The following D2HGDH variants were observed in gnomAD, a reference collection of about 807,000 sequenced individuals.
D2HGDH encodes the protein D-2-hydroxyglutarate dehydrogenase, also known as D-2-hydroxyglutarate dehydrogenase, mitochondrial.
A neutral mutation model predicts 46.9 loss-of-function variants in D2HGDH; 31 were observed. The ratio of observed to expected loss-of-function variants is 0.66; its 90% CI spans 0.50 to 0.89. D2HGDH has a LOEUF of 0.89. Among genes scored for constraint, D2HGDH ranks in the 40% least tolerant of loss-of-function variants. The pLI is 0.00. For missense variants in D2HGDH, 698 were observed against 720.8 expected, an observed-to-expected ratio of 0.97 and a Z score of 0.36; for synonymous variants, 364 against 332.6, an observed-to-expected ratio of 1.09 and a Z score of -1.03.
rs138988493 is a variant in D2HGDH, at chr2:241,749,103, C to T, written c.854-1048C>T. The T allele has an allele frequency of 1.1e-3, 1,090 of 959,172 alleles. 14 individuals are homozygous for T. The African/African-American group carries it at 0.018, about 15-fold the overall frequency. The allele number at this position is 959,172 out of a possible 1,614,324, so 59.4% of individuals were successfully genotyped here. A position where few individuals can be genotyped will look rare whatever the true frequency, so the allele number is the denominator to read the frequency against. On this transcript the variant is annotated intron_variant, in intron 6 of 9. Coordinates refer to ENST00000321264, the MANE Select transcript of D2HGDH (RefSeq NM_152783.5). ...GGCTCCTGCTCTCCTGCAGCTGGGG[C>T]GACTTCCGACGAGGCACTCTTGTCC...
chr2:241,736,571 T>G (rs935764864), intron 2 of D2HGDH, among the ~76,000 whole-genome samples: 2 of 152,216 alleles, frequency 1.3e-5, no homozygotes, highest in Non-Finnish European at 2.9e-5. Flanking sequence ...TCCAGTTGTC[T>G]TATAAAGACA....
At chr2:241,753,756 G>T (rs999714669) in intron 8 of D2HGDH, among the ~76,000 whole-genome samples, 1 of 152,252 alleles carries the variant, frequency 6.6e-6, no homozygotes. Context: ...CACCCGTCAC[G>T]TGTCATTCAG....
At chr2:241,764,095 T>G (rs1699066889) in intron 9 of D2HGDH, among the ~76,000 whole-genome samples, 1 of 152,182 alleles carries the variant, frequency 6.6e-6, no homozygotes, top group South Asian at 2.1e-4. Flanking sequence ...TTTTTCTTCT[T>G]TCACAACCAG....
chr2:241,749,033 G>A (rs771117414), intron 6 of D2HGDH: 25 of 1,000,566 alleles, frequency 2.5e-5, no homozygotes, highest in African/African-American at 8.9e-5. Context: ...GGTGTCCCTC[G>A]TGCTCGTGGG....
At chr2:241,756,934 A>T (rs963632886) in intron 9 of D2HGDH, among the ~76,000 whole-genome samples, 1 of 152,092 alleles carries the variant, frequency 6.6e-6, no homozygotes, top group African/African-American at 2.4e-5. Context: ...GGCCTGACAG[A>T]TATTCACTCT....
At chr2:241,744,677 A>G (rs1695397473) in intron 5 of D2HGDH, 32 bp from the exon 6 acceptor site, 1 of 1,613,996 alleles carries the variant, frequency 6.2e-7, no homozygotes, top group African/African-American at 1.3e-5. Flanking sequence ...GGAGGCTGGC[A>G]GGTGGGTGAA....
Position 241,735,147 on chromosome 2 carries a change from G to C in D2HGDH, c.-78G>C. 1 of 1,391,960 alleles carries C rather than the reference G, an allele frequency of 7.2e-7. No homozygotes were observed. The highest frequency in any genetic ancestry group is 9.3e-7 in the Non-Finnish European group (1 of 1,073,906). The allele number at this position is 1,391,960 out of a possible 1,614,324, so 86.2% of individuals were successfully genotyped here. A position where few individuals can be genotyped will look rare whatever the true frequency, so the allele number is the denominator to read the frequency against. On this transcript the variant is annotated 5_prime_UTR_variant, in exon 2 of 10. Transcript: ENST00000321264. Reference sequence around the variant, plus strand: ...GCCACTTCCAGGCGCGCAGCCAGCGGCTCCCTGCCCTTCCCCTCCGGGCCC... The same window carrying C: ...GCCACTTCCAGGCGCGCAGCCAGCGCCTCCCTGCCCTTCCCCTCCGGGCCC...
chr2:241,761,483 G>C (rs1698808987), intron 9 of D2HGDH, among the ~76,000 whole-genome samples: 1 of 152,200 alleles, frequency 6.6e-6, no homozygotes, highest in African/African-American at 2.4e-5. Flanking sequence ...AGGTTGCAGT[G>C]AGGCGAGGTT....
At chr2:241,737,786 C>T (rs779808220) in intron 2 of D2HGDH, among the ~76,000 whole-genome samples, 39 of 152,078 alleles carry the variant, frequency 2.6e-4, no homozygotes, top group Non-Finnish European at 4.4e-4. Context: ...AATAGTAAAG[C>T]GAGGTAGAAG....
intron 6 of D2HGDH, chr2:241,749,640 C>G (rs1189486884): frequency 6.2e-6 from 2 of 321,144 alleles, no homozygotes; most frequent in Non-Finnish European, 1.2e-5. Flanking sequence ...CTGCCTGTTG[C>G]TGGCTCTGTG....
intron 5 of D2HGDH, among the ~76,000 whole-genome samples, chr2:241,744,356 C>G (rs1250434835): frequency 6.6e-6 from 1 of 152,164 alleles, no homozygotes; most frequent in Admixed American, 6.5e-5. Context: ...TACTTTTTTG[C>G]ACTCATGAGC....
chr2:241,750,322 T>C (rs750661147), intron 7 of D2HGDH, 28 bp downstream of exon 7: 2 of 1,387,452 alleles, frequency 1.4e-6, no homozygotes, highest in Admixed American at 3.8e-5. Flanking sequence ...AGGGGGCAGC[T>C]GGTCCTGCAG....
chr2:241,754,866 G>A, intron 8 of D2HGDH: 1 of 526,084 alleles, frequency 1.9e-6, no homozygotes, highest in Non-Finnish European at 2.9e-6. Context: ...GCCTCCCAAA[G>A]CTCTGGGAAT....
intron 9 of D2HGDH, among the ~76,000 whole-genome samples, chr2:241,762,634 C>G (rs757279524): frequency 1.3e-5 from 2 of 152,162 alleles, no homozygotes; most frequent in South Asian, 2.1e-4. Flanking sequence ...TGTTTCTTAT[C>G]GGCTGCTGCC....
At chr2:241,760,719 C>T (rs143324478) in intron 9 of D2HGDH, among the ~76,000 whole-genome samples, 1 of 152,270 alleles carries the variant, frequency 6.6e-6, no homozygotes, top group African/African-American at 2.4e-5. Context: ...CAGTCGAAGG[C>T]CACAAGAGCA....
At position 241,743,500 on chromosome 2, in the gene D2HGDH, C is replaced by A; in HGVS notation, c.491-122C>A. 2 of 1,147,918 alleles carry A rather than the reference C, an allele frequency of 1.7e-6. No homozygotes were observed. Among genetic ancestry groups the A allele is most frequent in the East Asian group, 2.6e-5 (1 of 39,058 alleles). The allele number at this position is 1,147,918 out of a possible 1,614,324, so 71.1% of individuals were successfully genotyped here. Reference sequence around the variant, plus strand: ...ATGTGGGGGTGCCTCTTCTCCTCAGCCCTGGCGCTGAGGCTGATGTTCCTT... The same window carrying A: ...ATGTGGGGGTGCCTCTTCTCCTCAGACCTGGCGCTGAGGCTGATGTTCCTT... On this transcript the variant is annotated intron_variant, in intron 4 of 9. Coordinates refer to ENST00000321264, the MANE Select transcript of D2HGDH (RefSeq NM_152783.5). The surrounding 1 kb of genome is among the most constrained non-coding windows in gnomAD (Gnocchi z 4.8).
rs143691147 is a variant in D2HGDH at position 241,755,482 on chromosome 2, G to T, written c.1141-367G>T. ...TGTCATGACCTGAAGCTGCAGGTGG[G>T]CGCCTCCCCCTTCCGTCATGGCTGT... On this transcript the variant is annotated intron_variant, in intron 8 of 9. Transcript: ENST00000321264. The T allele has an allele frequency of 8.8e-3, 11,657 of 1,327,652 alleles. 516 individuals carry two copies. In the East Asian group the frequency reaches 0.14, roughly 16 times the overall value. The allele number at this position is 1,327,652 out of a possible 1,614,324, so 82.2% of individuals were successfully genotyped here. A position where few individuals can be genotyped will look rare whatever the true frequency, so the allele number is the denominator to read the frequency against.
intron 9 of D2HGDH, among the ~76,000 whole-genome samples, chr2:241,759,852 A>G (rs934942601): frequency 1.1e-4 from 16 of 152,252 alleles, no homozygotes; most frequent in African/African-American, 3.6e-4. Flanking sequence ...CCTCCCAAAT[A>G]ATGTGTGATG....
intron 2 of D2HGDH, among the ~76,000 whole-genome samples, chr2:241,739,626 C>G (rs954667349): frequency 2.0e-5 from 3 of 152,246 alleles, no homozygotes; most frequent in African/African-American, 7.2e-5. Context: ...TCAAGGAAAC[C>G]CAAAGGCAGA....
Sources: gnomAD v4.1 joint callset for allele counts (sites outside exome capture counted in the v4.1 genomes callset) on GRCh38, gnomAD v4.1.1 for gene constraint, Gnocchi (gnomAD v3.1) non-coding constraint, MANE v1.5 for transcripts, NCBI Gene and HGNC (gene_info 2026-07-23, HGNC 2026-07-21) for gene names.